Variants in ZBTB7C observed in about 807,000 individuals in gnomAD.
ZBTB7C encodes the protein zinc finger and BTB domain-containing protein 7C.
In ZBTB7C, 8 loss-of-function variants were observed where a neutral mutation model predicts 25.7. That is an observed-to-expected ratio of 0.31 (90% CI 0.18 to 0.56). The LOEUF is 0.56. Ranked by LOEUF, ZBTB7C falls within the 20% of genes least tolerant of loss-of-function variation. The pLI, the probability that ZBTB7C is intolerant of heterozygous loss-of-function variation, is 0.91. For synonymous variants in ZBTB7C, 394 were observed against 369.0 expected, an observed-to-expected ratio of 1.07 and a Z score of -0.78; for missense variants, 824 against 855.2, an observed-to-expected ratio of 0.96 and a Z score of 0.46.
At chr18:48,197,636 G>A (rs2042347620) in intron 2 of ZBTB7C, among the ~76,000 whole-genome samples, 2 of 152,172 alleles carry the variant, frequency 1.3e-5, no homozygotes. Flanking sequence ...GGCCAGTTGA[G>A]CTTCTGCTGA....
chr18:48,063,146 A>T (rs1481872565), intron 3 of ZBTB7C, among the ~76,000 whole-genome samples: 3 of 152,218 alleles, frequency 2.0e-5, no homozygotes, highest in Non-Finnish European at 4.4e-5. Context: ...TGGTTGAAGC[A>T]TTGGAAGTCC....
chr18:48,318,383 G>T (rs1365663260), intron 2 of ZBTB7C, among the ~76,000 whole-genome samples: 1 of 152,056 alleles, frequency 6.6e-6, no homozygotes, highest in Non-Finnish European at 1.5e-5. Context: ...CCACCTGCTT[G>T]GTTCTTGGGC....
intron 1 of ZBTB7C, among the ~76,000 whole-genome samples, chr18:48,384,519 A>T (rs988470323): frequency 6.6e-6 from 1 of 152,188 alleles, no homozygotes; most frequent in Non-Finnish European, 1.5e-5. Context: ...TGGGAGAGGG[A>T]TTGCTGAAGA....
chr18:48,058,954 CCACCTCCAGTCCCAGT>C (rs1446247061), intron 3 of ZBTB7C, among the ~76,000 whole-genome samples: 1 of 152,126 alleles, frequency 6.6e-6, no homozygotes, highest in Non-Finnish European at 1.5e-5. Flanking sequence ...CCTCCTGTCC[CCACCTCCAGTCCCAGT>C]CACCTTCAGG....
intron 2 of ZBTB7C, among the ~76,000 whole-genome samples, chr18:48,309,058 T>A (rs2045749234): frequency 6.6e-6 from 1 of 152,118 alleles, no homozygotes; most frequent in South Asian, 2.1e-4. Flanking sequence ...ACCCCTGGAA[T>A]TAGAAGACCC....
chr18:48,276,021 A>T (rs1474509406), intron 2 of ZBTB7C, among the ~76,000 whole-genome samples: 1 of 152,160 alleles, frequency 6.6e-6, no homozygotes, highest in Non-Finnish European at 1.5e-5. Context: ...AGAAAGGCTG[A>T]CGGGATTTGA....
intron 3 of ZBTB7C, among the ~76,000 whole-genome samples, chr18:48,078,320 C>T (rs1186259241): frequency 1.3e-5 from 2 of 152,094 alleles, no homozygotes; most frequent in Non-Finnish European, 1.5e-5. Context: ...ACATGCAAGG[C>T]CCCTTTGGTG....
At chr18:48,285,060 G>A (rs1192866799) in intron 2 of ZBTB7C, among the ~76,000 whole-genome samples, 1 of 152,186 alleles carries the variant, frequency 6.6e-6, no homozygotes. Flanking sequence ...TAATGGTATT[G>A]TTCATTGTTA....
intron 1 of ZBTB7C, among the ~76,000 whole-genome samples, chr18:48,344,867 A>C (rs1387373144): frequency 1.3e-5 from 2 of 152,094 alleles, no homozygotes. Context: ...GTTTTTATTT[A>C]TTTGTCATTC....
chr18:48,289,158 T>C (rs1283413702), intron 2 of ZBTB7C, among the ~76,000 whole-genome samples: 2 of 152,176 alleles, frequency 1.3e-5, no homozygotes, highest in African/African-American at 4.8e-5. Flanking sequence ...GGAGTGTAAA[T>C]GAGCTTTTTA....
chr18:48,285,946 C>T (rs1012476007), intron 2 of ZBTB7C, among the ~76,000 whole-genome samples: 2 of 152,226 alleles, frequency 1.3e-5, no homozygotes, highest in South Asian at 4.2e-4. Flanking sequence ...AGAATGTGCC[C>T]TGCATGACTC....
In ZBTB7C at chr18:48,047,924, T is replaced by C. The variant is rs1022085667; in HGVS notation, c.-16-6801A>G. On this transcript the variant is annotated intron_variant, in intron 3 of 4. Transcript: ENST00000590800. ...ATGGAGAGGGCAGGTAGCTTGCCCA[T>C]TGCCACCCAGCCAGCCAATGTCTGA... Among the ~76,000 whole-genome samples, 3 of 152,322 alleles carry C rather than the reference T, an allele frequency of 2.0e-5. No individual in the cohort carries two copies. The East Asian group carries it at 5.8e-4, about 29-fold the overall frequency.
At chr18:48,181,512 A>C (rs2041922391) in intron 3 of ZBTB7C, among the ~76,000 whole-genome samples, 1 of 152,088 alleles carries the variant, frequency 6.6e-6, no homozygotes, top group Non-Finnish European at 1.5e-5. Flanking sequence ...CTTTCTGAAC[A>C]AAGAGGCAAC....
chr18:48,162,233 GCCTTCTA>G, intron 3 of ZBTB7C: 1 of 401,606 alleles, frequency 2.5e-6, no homozygotes, highest in Non-Finnish European at 5.1e-6. Context: ...CTTCCCTGCA[GCCTTCTA>G]CCTTCTACCG....
intron 2 of ZBTB7C, among the ~76,000 whole-genome samples, chr18:48,277,019 G>C (rs568542457): frequency 1.1e-4 from 16 of 151,888 alleles, no homozygotes; most frequent in African/African-American, 3.9e-4. Flanking sequence ...GGATTTAAAC[G>C]TTAGACCTAA....
At chr18:48,218,866 G>T (rs1024356741) in intron 2 of ZBTB7C, among the ~76,000 whole-genome samples, 1 of 152,148 alleles carries the variant, frequency 6.6e-6, no homozygotes, top group Non-Finnish European at 1.5e-5. Context: ...TTGGAAGACA[G>T]CTATGCCGGG....
At chr18:48,233,258 T>G (rs1435915703) in intron 2 of ZBTB7C, among the ~76,000 whole-genome samples, 1 of 151,938 alleles carries the variant, frequency 6.6e-6, no homozygotes, top group African/African-American at 2.4e-5. Flanking sequence ...ACCCCCCACC[T>G]TCCTCCATGA....
In ZBTB7C at chr18:48,174,066, G is replaced by A. The variant is rs2145047900; in HGVS notation, c.-17+11868C>T. The stretch of plus-strand genomic sequence containing the variant: ...GCCATTAAAAATTACGTTTCCACAT[G>A]GGTGAATTCTTCTATAACCTGGCTG... On this transcript the variant is annotated intron_variant, in intron 3 of 4. Transcript: ENST00000590800. 1.3e-5 allele frequency among the ~76,000 whole-genome samples: 2 copies of A among 152,358 alleles called. 1 individual carries two copies. Among genetic ancestry groups the A allele is most frequent in the Middle Eastern group, 6.8e-3 (2 of 294 alleles).
chr18:48,233,874 T>C (rs2043314219), intron 2 of ZBTB7C, among the ~76,000 whole-genome samples: 1 of 152,142 alleles, frequency 6.6e-6, no homozygotes, highest in East Asian at 1.9e-4. Context: ...TTTATGAGAT[T>C]TCAACCTTGC....
Sources: gnomAD v4.1 joint callset for allele counts (sites outside exome capture counted in the v4.1 genomes callset) on GRCh38, gnomAD v4.1.1 for gene constraint, MANE v1.5 for transcripts, NCBI Gene and HGNC (gene_info 2026-07-23, HGNC 2026-07-21) for gene names.